The following CCDC9 variants were observed in gnomAD, a reference collection of about 807,000 sequenced individuals.
CCDC9 encodes coiled-coil domain-containing protein 9.
In CCDC9, 52 loss-of-function variants were observed where a neutral mutation model predicts 65.6. The observed-to-expected ratio is 0.79, with a 90% CI of 0.63 to 1.00. The LOEUF (loss-of-function observed/expected upper bound fraction) is 1.00. Among genes scored for constraint, CCDC9 ranks in the 50% least tolerant of loss-of-function variants. CCDC9 has a pLI of 0.00. For synonymous variants in CCDC9, 332 were observed against 280.3 expected (o/e 1.18, Z -1.84); for missense variants, 834 against 757.2 (o/e 1.10, Z -1.19).
downstream of CCDC9, chr19:47,273,686 C>A: frequency 2.6e-6 from 1 of 385,192 alleles, no homozygotes; most frequent in Non-Finnish European, 4.6e-6. Flanking sequence ...GTTAGTCTCC[C>A]ATGGAGGCCC....
rs2060896717 is a variant in CCDC9, at chr19:47,260,846, G to T, written c.462+7G>T. The T allele has an allele frequency of 2.5e-6, 4 of 1,605,550 alleles. No individual in the cohort carries two copies. The African/African-American group carries it at 4.0e-5, about 16-fold the overall frequency. Reference sequence around the variant, plus strand: ...CTCTGACCGTAAATCCAAGGTAGGAGCTAGGCAGCGCCTGGAGCCCTGGCT... The same window carrying T: ...CTCTGACCGTAAATCCAAGGTAGGATCTAGGCAGCGCCTGGAGCCCTGGCT... On this transcript the variant is annotated splice_region_variant and intron_variant, in intron 5 of 11. Coordinates refer to ENST00000221922, the MANE Select transcript of CCDC9 (RefSeq NM_015603.3).
At chr19:47,270,086 A>G (rs1170603950) in intron 8 of CCDC9, among the ~76,000 whole-genome samples, 2 of 151,166 alleles carry the variant, frequency 1.3e-5, no homozygotes, top group Non-Finnish European at 2.9e-5. Flanking sequence ...CTCCCTCCTC[A>G]GCCTCCCGAG....
intron 5 of CCDC9, 128 bp from the exon 6 acceptor site, chr19:47,264,475 G>A: frequency 1.2e-6 from 1 of 844,842 alleles, no homozygotes; most frequent in Non-Finnish European, 1.9e-6. Context: ...CACGCTGAGA[G>A]CAAATGGTCA....
downstream of CCDC9, chr19:47,273,734 C>T (rs1363559157): frequency 5.6e-6 from 2 of 356,798 alleles, no homozygotes; most frequent in East Asian, 4.2e-5. Context: ...GAATCTCCCG[C>T]CTCCAGGATT....
rs1233634365 is a variant in CCDC9, at chr19:47,260,596, C to T, written c.219C>T (p.Asn73=). ...CATCTCCCCTCTTCCAGGAGAAGAA[C>T]CTGGGTCCTTCCCGGAGGTCTCCTG... ...KENVAVESEK[N]LGPSRRSPGT... The change falls in exon 5 of 12, where the codon AAC becomes AAT. Residue 73 remains asparagine (N), a synonymous_variant. Transcript: ENST00000221922. The T allele has an allele frequency of 1.3e-6, 2 of 1,529,424 alleles. No homozygotes were observed. The highest frequency in any genetic ancestry group is 1.7e-6 in the Non-Finnish European group (2 of 1,146,846). 94.7% of individuals were successfully genotyped at this position (1,529,424 alleles called of 1,614,324 possible). A position where few individuals can be genotyped will look rare whatever the true frequency, so the allele number is the denominator to read the frequency against.
At chr19:47,257,326 T>C (rs867370560) in intron 1 of CCDC9, among the ~76,000 whole-genome samples, 1 of 137,644 alleles carries the variant, frequency 7.3e-6, no homozygotes, top group Non-Finnish European at 1.5e-5. Flanking sequence ...TAAGAGATGG[T>C]AGGGGCGGGT....
chr19:47,267,231 T>G (rs190689246), intron 8 of CCDC9, among the ~76,000 whole-genome samples: 113 of 152,182 alleles, frequency 7.4e-4, no homozygotes, highest in African/African-American at 2.1e-3. Context: ...CCCAAAGTGC[T>G]GAGATTACAG....
At position 47,271,565 on chromosome 19, in the gene CCDC9, G is replaced by A. The variant is rs200573030; in HGVS notation, c.1483G>A (p.Gly495Ser). 221 of 1,613,222 alleles carry A rather than the reference G, an allele frequency of 1.4e-4. 1 individual carries two copies. The East Asian group carries it at 4.7e-3, about 35-fold the overall frequency. The change falls in exon 12 of 12, where the codon GGC (glycine) becomes AGC (serine). Residue 495 changes from glycine (G) to serine (S), a missense_variant. Gly to Ser is a moderately conservative substitution (Grantham distance 56, BLOSUM62 0). Transcript: ENST00000221922. ...TPSSPFSPPS[G>S]HQPVSDWGEE... ...TTCCAGCCCTTTCTCACCACCCAGCGGCCACCAGCCTGTGTCCGATTGGGG... is the reference window on the plus strand; with the variant it reads ...TTCCAGCCCTTTCTCACCACCCAGCAGCCACCAGCCTGTGTCCGATTGGGG...
At chr19:47,258,303 T>G (rs532979753) in intron 1 of CCDC9, 27 bp from the exon 2 acceptor site, 26 of 1,359,802 alleles carry the variant, frequency 1.9e-5, no homozygotes, top group South Asian at 1.5e-4. Context: ...CCATTGGCCT[T>G]TGTCCTTTTT....
chr19:47,258,671 AG>A lies in CCDC9; in HGVS notation c.108+9del. On this transcript the variant is annotated intron_variant, in intron 3 of 11. Coordinates refer to ENST00000221922, the MANE Select transcript of CCDC9 (RefSeq NM_015603.3). Reference sequence around the variant, plus strand: ...CTCATCCGGCGCTACCAGGTGCCCTAGCCCCGCCCTGGGAGACCCCATCCCC... The same window carrying A: ...CTCATCCGGCGCTACCAGGTGCCCTACCCCGCCCTGGGAGACCCCATCCCC... 2 of 1,608,966 alleles carry A rather than the reference AG, an allele frequency of 1.2e-6. No homozygotes were observed. Among genetic ancestry groups the A allele is most frequent in the South Asian group, 2.2e-5 (2 of 90,984 alleles).
Position 47,271,650 on chromosome 19 carries a change from G to C in CCDC9, c.1568G>C (p.Gly523Ala), listed in dbSNP as rs779874327. ...CACCTGGCTGGCGCCCTCTCCCCGG[G>C]TGAGGCCTGGCCTTTTGAGAGTGTA... ...TTHLAGALSP[G>A]EAWPFESV is the part of the protein sequence containing the mutation. The change falls in exon 12 of 12, where the codon GGT becomes GCT. Residue 523 changes from glycine to alanine, a missense_variant. Physicochemically the swap from Gly to Ala is moderately conservative, Grantham distance 60. Transcript: ENST00000221922. 1.2e-6 allele frequency: 2 copies of C among 1,602,908 alleles called. No homozygotes were observed. Among genetic ancestry groups the C allele is most frequent in the Admixed American group, 1.7e-5 (1 of 59,766 alleles).
At position 47,271,614 on chromosome 19, in the gene CCDC9, C is replaced by T. The variant is rs1334548737; in HGVS notation, c.1532C>T (p.Pro511Leu). Residue 511 changes from proline (P) to leucine (L), a missense_variant, in exon 12 of 12, where the codon CCC (proline) becomes CTC (leucine). By Grantham distance (98) the Pro-to-Leu change is moderately conservative. Coordinates refer to ENST00000221922, the MANE Select transcript of CCDC9 (RefSeq NM_015603.3). ...GGTGAAGAGGTGGAGCTGAATTCTC[C>T]CCGGACCACTCACCTGGCTGGCGCC... ...DWGEEVELNS[P>L]RTTHLAGALS... The T allele has an allele frequency of 6.2e-7, 1 of 1,610,974 alleles. No individual in the cohort carries two copies. Among genetic ancestry groups the T allele is most frequent in the Non-Finnish European group, 8.5e-7 (1 of 1,178,558 alleles).
intron 5 of CCDC9, 31 bp downstream of exon 5, chr19:47,260,870 C>G (rs894704758): frequency 2.5e-6 from 4 of 1,589,692 alleles, no homozygotes; most frequent in Admixed American, 1.9e-5. Flanking sequence ...GGAGCCCTGG[C>G]TGAGGTTCTC....
chr19:47,271,186 A>C lies in CCDC9; in HGVS notation c.1190A>C (p.Gln397Pro), dbSNP rs773908261. The part of the protein sequence containing the change: ...PETSPKETPM[Q>P]PPEIPAPAHR... ...ACTTCCCCCAAGGAGACACCCATGCAGGTGAGGCTGGGCTGTGGTTCAGGG... is the reference window on the plus strand; with the variant it reads ...ACTTCCCCCAAGGAGACACCCATGCCGGTGAGGCTGGGCTGTGGTTCAGGG... Residue 397 changes from glutamine (Q) to proline (P), a missense_variant and splice_region_variant, in exon 11 of 12, where the codon CAG (glutamine) becomes CCG (proline). Gln to Pro is a moderately conservative substitution (Grantham distance 76, BLOSUM62 -1). Transcript: ENST00000221922. 6.2e-7 allele frequency: 1 copy of C among 1,602,626 alleles called. No individual in the cohort carries two copies. Among genetic ancestry groups the C allele is most frequent in the Non-Finnish European group, 8.5e-7 (1 of 1,175,278 alleles).
At chr19:47,267,187 A>G (rs1273960780) in intron 8 of CCDC9, among the ~76,000 whole-genome samples, 2 of 152,036 alleles carry the variant, frequency 1.3e-5, no homozygotes, top group African/African-American at 4.8e-5. Flanking sequence ...GATGGTCTCA[A>G]TCTCCTGTCC....
intron 3 of CCDC9, among the ~76,000 whole-genome samples, chr19:47,259,058 A>G (rs1247517478): frequency 6.6e-6 from 1 of 152,180 alleles, no homozygotes; most frequent in Non-Finnish European, 1.5e-5. Context: ...AGCCTTGGGG[A>G]TATCAGGGAG....
downstream of CCDC9, chr19:47,275,030 C>G (rs577827986): frequency 2.9e-4 from 431 of 1,489,382 alleles, no homozygotes; most frequent in South Asian, 6.1e-4. Context: ...GCGCCTACTT[C>G]CTCTGCGTCT....
Position 47,271,465 on chromosome 19 carries a change from CTGCAGTGAGCA to C in CCDC9, c.1384_1394del (p.Cys462GlyfsTer39), listed in dbSNP as rs772972813. 6.2e-6 allele frequency: 10 copies of C among 1,613,780 alleles called. No individual in the cohort carries two copies. The highest frequency in any genetic ancestry group is 8.5e-6 in the Non-Finnish European group (10 of 1,179,954). ...CAGAGGCTGCCCCCACCGGGATCCC[CTGCAGTGAGCA>C]GGCCCACGGAGTCCCCTTCAGTCCG... On this transcript the variant is annotated frameshift_variant, in exon 12 of 12. Coordinates refer to ENST00000221922, the MANE Select transcript of CCDC9 (RefSeq NM_015603.3). LOFTEE classifies it high-confidence loss of function.
intron 5 of CCDC9, 122 bp downstream of exon 5, chr19:47,260,961 T>G (rs1395866481): frequency 8.7e-7 from 1 of 1,146,826 alleles, no homozygotes; most frequent in Non-Finnish European, 1.2e-6. Context: ...TCTCTGAGCC[T>G]TTGCATCTGG....
Sources: gnomAD v4.1 joint callset for allele counts (sites outside exome capture counted in the v4.1 genomes callset) on GRCh38, gnomAD v4.1.1 for gene constraint, MANE v1.5 for transcripts, NCBI Gene and HGNC (gene_info 2026-07-23, HGNC 2026-07-21) for gene names.